Variants in BACH2 observed in about 807,000 individuals in gnomAD.
BACH2 encodes BACH transcriptional regulator 2.
A neutral mutation model predicts 61.8 loss-of-function variants in BACH2; 5 were observed. That is an observed-to-expected ratio of 0.08 (90% CI 0.04 to 0.17). The LOEUF is 0.17. BACH2 is among the 10% of genes least tolerant of loss of function. The pLI is 1.00. For missense variants in BACH2, 824 were observed against 1,091.1 expected (o/e 0.76, Z 3.45); for synonymous variants, 446 against 440.1 (o/e 1.01, Z -0.17).
At position 90,279,522 on chromosome 6, in the gene BACH2, C is replaced by CAAAA. The variant is rs10637718; in HGVS notation, c.-445-7585_-445-7582dup. 2.6e-3 allele frequency among the ~76,000 whole-genome samples: 326 copies of CAAAA among 124,122 alleles called. 5 individuals are homozygous for CAAAA. Among genetic ancestry groups the CAAAA allele is most frequent in the African/African-American group, 9.3e-3 (314 of 33,608 alleles). The allele number at this position is 124,122 out of a possible 152,430, so 81.4% of individuals were successfully genotyped here. On this transcript the variant is annotated intron_variant, in intron 1 of 8. Coordinates refer to ENST00000257749, the MANE Select transcript of BACH2 (RefSeq NM_021813.4). The stretch of plus-strand genomic sequence containing the variant: ...TGGGCGACAGAGCGAGACTCCGTCT[C>CAAAA]AAAAAAAAAAAAAAAAAGTCTACAC...
rs114751869 is a variant in BACH2, at chr6:90,050,386, G to A, written c.-13+38575C>T. Among the ~76,000 whole-genome samples the A allele has an allele frequency of 5.6e-3, 851 of 152,088 alleles. 8 individuals carry two copies. Among genetic ancestry groups the A allele is most frequent in the African/African-American group, 0.019 (804 of 41,498 alleles). ...ACTTGTCAAATTTTAACGTAATATCGAAGAAGAACACCCACAATATTTGAA... is the reference window on the plus strand; with the variant it reads ...ACTTGTCAAATTTTAACGTAATATCAAAGAAGAACACCCACAATATTTGAA... On this transcript the variant is annotated intron_variant, in intron 5 of 8. Coordinates refer to ENST00000257749, the MANE Select transcript of BACH2 (RefSeq NM_021813.4).
intron 7 of BACH2, among the ~76,000 whole-genome samples, chr6:89,939,817 AATTAAATT>A: frequency 7.6e-6 from 1 of 131,938 alleles, no homozygotes; most frequent in South Asian, 2.7e-4. Context: ...CTGCCCAGTT[AATTAAATT>A]TTTTTTTTTT....
intron 5 of BACH2, among the ~76,000 whole-genome samples, chr6:90,066,875 C>T (rs186305797): frequency 3.9e-5 from 6 of 152,312 alleles, no homozygotes; most frequent in Admixed American, 3.9e-4. Flanking sequence ...AGCCTTAGAG[C>T]CGGGCTCCAT....
chr6:90,033,909 C>T (rs75163935), intron 5 of BACH2, among the ~76,000 whole-genome samples: 2,502 of 152,202 alleles, frequency 0.016, 82 homozygotes, highest in African/African-American at 0.056. Flanking sequence ...AAAAGAGACA[C>T]TAGGAATTCT....
chr6:89,975,726 C>T (rs1228911353), intron 6 of BACH2, among the ~76,000 whole-genome samples: 1 of 152,158 alleles, frequency 6.6e-6, no homozygotes, highest in Non-Finnish European at 1.5e-5. Context: ...CCTAAGATAT[C>T]CTGGAAATAA....
Position 89,929,824 on chromosome 6 carries a change from C to T in BACH2, c.*2584G>A, listed in dbSNP as rs1010690383. On this transcript the variant is annotated 3_prime_UTR_variant, in exon 9 of 9. Coordinates refer to ENST00000257749, the MANE Select transcript of BACH2 (RefSeq NM_021813.4). ...CCTCATGCCAAGAAGCTGGGTTGGACCTGGTTATGATATGAGCAGAAAGTG... is the reference window on the plus strand; with the variant it reads ...CCTCATGCCAAGAAGCTGGGTTGGATCTGGTTATGATATGAGCAGAAAGTG... The T allele has an allele frequency of 4.6e-5, 7 of 152,132 alleles. No homozygotes were observed. The highest frequency in any genetic ancestry group is 8.8e-5 in the Non-Finnish European group (6 of 68,026). 9.4% of individuals were successfully genotyped at this position (152,132 alleles called of 1,614,324 possible).
intron 6 of BACH2, among the ~76,000 whole-genome samples, chr6:89,971,521 C>T (rs529845701): frequency 1.3e-5 from 2 of 152,276 alleles, no homozygotes; most frequent in South Asian, 4.1e-4. Context: ...GTAATCACAA[C>T]ACAGCCATGA....
intron 6 of BACH2, among the ~76,000 whole-genome samples, chr6:89,960,077 G>A (rs1297340528): frequency 6.6e-6 from 1 of 152,152 alleles, no homozygotes; most frequent in East Asian, 1.9e-4. Flanking sequence ...CCTCCACCAT[G>A]CTCACAGGTC....
chr6:90,261,433 C>T (rs1483780485), intron 2 of BACH2, among the ~76,000 whole-genome samples: 1 of 152,146 alleles, frequency 6.6e-6, no homozygotes, highest in Non-Finnish European at 1.5e-5. Flanking sequence ...ATCTAAGCTC[C>T]TTGAAAGAGT....
chr6:90,112,338 A>G (rs1783209917), intron 4 of BACH2, among the ~76,000 whole-genome samples: 1 of 152,200 alleles, frequency 6.6e-6, no homozygotes. Flanking sequence ...AAGAATGTTA[A>G]AGGCAACTAG....
chr6:90,103,357 C>T (rs926121787), intron 4 of BACH2, among the ~76,000 whole-genome samples: 4 of 151,952 alleles, frequency 2.6e-5, no homozygotes, highest in Admixed American at 1.3e-4. Context: ...GGAGTAGCAA[C>T]CCTGCTCTCC....
intron 5 of BACH2, among the ~76,000 whole-genome samples, chr6:90,056,799 G>A (rs1780379781): frequency 6.6e-6 from 1 of 152,180 alleles, no homozygotes; most frequent in Non-Finnish European, 1.5e-5. Context: ...AATCAAACTA[G>A]AAATCAGGAT....
chr6:90,131,674 A>C (rs999163652), intron 4 of BACH2, among the ~76,000 whole-genome samples: 2 of 152,214 alleles, frequency 1.3e-5, no homozygotes, highest in African/African-American at 4.8e-5. Flanking sequence ...GGGCTGAACT[A>C]AAGTTTAAAG....
At position 89,930,734 on chromosome 6, in the gene BACH2, G is replaced by GTA. The variant is rs903631219; in HGVS notation, c.*1672_*1673dup. ...AAAATTATCATCAGGTGAGGGTAGG[G>GTA]TATGTGTGTGATTCGGGAAGGGGAC... On this transcript the variant is annotated 3_prime_UTR_variant, in exon 9 of 9. Transcript: ENST00000257749. The GTA allele has an allele frequency of 1.3e-5, 2 of 152,762 alleles. No homozygotes were observed. The highest frequency in any genetic ancestry group is 4.8e-5 in the African/African-American group (2 of 41,474). The allele number at this position is 152,762 out of a possible 1,614,324, so 9.5% of individuals were successfully genotyped here.
At chr6:90,132,187 C>G (rs952294493) in intron 4 of BACH2, among the ~76,000 whole-genome samples, 33 of 152,352 alleles carry the variant, frequency 2.2e-4, no homozygotes, top group African/African-American at 7.2e-4. Context: ...AAACCACGCT[C>G]TTCTGCCAAG....
At chr6:90,028,416 C>T (rs1778751452) in intron 5 of BACH2, among the ~76,000 whole-genome samples, 1 of 152,226 alleles carries the variant, frequency 6.6e-6, no homozygotes, top group Admixed American at 6.5e-5. Context: ...GATACTCTAT[C>T]CTCCCATTAC....
At chr6:90,253,412 G>A (rs566983611) in intron 2 of BACH2, among the ~76,000 whole-genome samples, 2 of 152,242 alleles carry the variant, frequency 1.3e-5, no homozygotes, top group African/African-American at 4.8e-5. Context: ...ACTTTATTAT[G>A]GCAGATTTGC....
At chr6:90,161,810 T>C (rs1785201112) in intron 4 of BACH2, among the ~76,000 whole-genome samples, 1 of 152,102 alleles carries the variant, frequency 6.6e-6, no homozygotes, top group African/African-American at 2.4e-5. Context: ...ACAGACAGGA[T>C]GGATGGCTCT....
At chr6:90,080,716 T>C in intron 5 of BACH2, 5 of 974,468 alleles carry the variant, frequency 5.1e-6, no homozygotes, top group Non-Finnish European at 4.9e-6. Flanking sequence ...TCAGAATCAT[T>C]AGGAAACAAA....
Sources: allele counts gnomAD v4.1 joint callset (sites outside exome capture counted in the v4.1 genomes callset), GRCh38; gene constraint gnomAD v4.1.1; transcripts MANE v1.5; gene names NCBI Gene and HGNC (gene_info 2026-07-23, HGNC 2026-07-21).